Variants in NVL observed in about 807,000 individuals in gnomAD.
NVL encodes the protein nuclear valosin-containing protein-like.
Under a neutral mutation model 110.2 loss-of-function variants are expected in NVL, and 84 were observed. The observed-to-expected ratio is 0.76, with a 90% confidence interval of 0.64 to 0.91. The LOEUF is 0.91. Among genes scored for constraint, NVL ranks in the 40% least tolerant of loss-of-function variants. The pLI is 0.00. For synonymous variants in NVL, 354 were observed against 361.1 expected, an observed-to-expected ratio of 0.98 and a Z score of 0.22; for missense variants, 882 against 1,035.9, an observed-to-expected ratio of 0.85 and a Z score of 2.04.
intron 18 of NVL, among the ~76,000 whole-genome samples, chr1:224,260,204 G>A (rs1370893574): frequency 2.0e-5 from 3 of 152,130 alleles, no homozygotes. Flanking sequence ...GAACTTCAGT[G>A]GTAAATATCT....
At chr1:224,297,169 TATATAGTTTAGTGGCATTAA>T (rs944041015) in intron 10 of NVL, among the ~76,000 whole-genome samples, 3 of 152,164 alleles carry the variant, frequency 2.0e-5, no homozygotes, top group African/African-American at 7.2e-5. Context: ...CCACTTTGGG[TATATAGTTTAGTGGCATTAA>T]ATATTTTCAG....
chr1:224,319,120 A>T lies in NVL; in HGVS notation c.132-1190T>A, dbSNP rs191736801. 3.7e-3 allele frequency among the ~76,000 whole-genome samples: 461 copies of T among 123,178 alleles called. 1 individual carries two copies. The highest frequency in any genetic ancestry group is 5.6e-3 in the Non-Finnish European group (350 of 62,374). 80.8% of individuals were successfully genotyped at this position (123,178 alleles called of 152,430 possible). Reference sequence around the variant, plus strand: ...CAGTGAGCCGAGATCACACCACTGCACTCCAGCCTGGGGACAGAGCAAGAC... The same window carrying T: ...CAGTGAGCCGAGATCACACCACTGCTCTCCAGCCTGGGGACAGAGCAAGAC... On this transcript the variant is annotated intron_variant, in intron 2 of 22. Coordinates refer to ENST00000281701, the MANE Select transcript of NVL (RefSeq NM_002533.4).
intron 5 of NVL, among the ~76,000 whole-genome samples, chr1:224,310,704 C>CT (rs977627040): frequency 6.6e-6 from 1 of 151,712 alleles, no homozygotes; most frequent in Non-Finnish European, 1.5e-5. Context: ...AGCCCTAACC[C>CT]TTTTTTTTCT....
At position 224,317,853 on chromosome 1, in the gene NVL, ATTTAGCTCT is replaced by A. The variant is rs1325434737; in HGVS notation, c.184+16_184+24del. On this transcript the variant is annotated intron_variant, in intron 3 of 22. Coordinates refer to ENST00000281701, the MANE Select transcript of NVL (RefSeq NM_002533.4). ...AATCGTTTGTATAACTTTATTGATA[ATTTAGCTCT>A]AACAATAAGACTCACCTTTTTCTAC... The A allele has an allele frequency of 1.0e-5, 15 of 1,462,126 alleles. No homozygotes were observed. Among genetic ancestry groups the A allele is most frequent in the Non-Finnish European group, 1.4e-5 (15 of 1,096,584 alleles). The allele number at this position is 1,462,126 out of a possible 1,614,324, so 90.6% of individuals were successfully genotyped here. A position where few individuals can be genotyped will look rare whatever the true frequency, so the allele number is the denominator to read the frequency against.
chr1:224,230,717 T>C (rs529763701), intron 22 of NVL, among the ~76,000 whole-genome samples: 1 of 152,268 alleles, frequency 6.6e-6, no homozygotes, highest in Admixed American at 6.5e-5. Flanking sequence ...CTAAGAAACA[T>C]ATAAAATTAA....
At chr1:224,311,678 C>T in intron 5 of NVL, 122 bp downstream of exon 5, 1 of 750,638 alleles carries the variant, frequency 1.3e-6, no homozygotes, top group South Asian at 1.7e-5. Context: ...CCTCAGCCTC[C>T]CAAAGTGTTG....
intron 4 of NVL, among the ~76,000 whole-genome samples, chr1:224,313,555 G>A (rs114060118): frequency 1.2e-4 from 19 of 152,144 alleles, no homozygotes; most frequent in African/African-American, 4.6e-4. Flanking sequence ...TGCATATAAA[G>A]AGGTATTATT....
intron 2 of NVL, among the ~76,000 whole-genome samples, chr1:224,322,106 G>T (rs1168333571): frequency 1.3e-5 from 2 of 152,072 alleles, no homozygotes; most frequent in African/African-American, 2.4e-5. Context: ...TAAGAGACAG[G>T]GTCTTGCTCT....
chr1:224,294,189 T>C (rs1667648245), intron 12 of NVL, 78 bp downstream of exon 12: 7 of 1,434,944 alleles, frequency 4.9e-6, no homozygotes, highest in Non-Finnish European at 6.8e-6. Flanking sequence ...GGCTACTTGG[T>C]ATTTCTCACC....
rs1007241137 is a variant in NVL at position 224,253,849 on chromosome 1, C to CA, written c.2183-3532dup. On this transcript the variant is annotated intron_variant, in intron 18 of 22. Transcript: ENST00000281701. ...AGTTCCAGTTCCTCCATATCCTTGC[C>CA]AACATTTGGCACAGCCAGTCTTTTC... 2.2e-4 allele frequency among the ~76,000 whole-genome samples: 33 copies of CA among 152,182 alleles called. 1 individual carries two copies. Among genetic ancestry groups the CA allele is most frequent in the Non-Finnish European group, 4.1e-4 (28 of 68,008 alleles).
chr1:224,323,423 G>A lies in NVL; in HGVS notation c.131+2968C>T, dbSNP rs185208424. On this transcript the variant is annotated intron_variant, in intron 2 of 22. Coordinates refer to ENST00000281701, the MANE Select transcript of NVL (RefSeq NM_002533.4). ...AATCTAAAGAGAACATCAAGGGTGT[G>A]GGGGGACAACAATTTGCTAAAGCGA... 8.1e-4 allele frequency among the ~76,000 whole-genome samples: 123 copies of A among 152,254 alleles called. 1 individual carries two copies. In the East Asian group the frequency reaches 0.02, roughly 25 times the overall value.
At chr1:224,310,055 G>A (rs894565288) in intron 5 of NVL, among the ~76,000 whole-genome samples, 1 of 151,740 alleles carries the variant, frequency 6.6e-6, no homozygotes, top group South Asian at 2.1e-4. Flanking sequence ...GGAAGCTGAG[G>A]CAGGAGAATC....
chr1:224,232,942 CATG>C, intron 21 of NVL: 2 of 338,798 alleles, frequency 5.9e-6, no homozygotes, highest in Non-Finnish European at 1.1e-5. Context: ...AGCCCAGACT[CATG>C]ATGAAGACAG....
chr1:224,233,018 CTAT>C (rs1660067017), intron 21 of NVL, 180 bp downstream of exon 21: 2 of 516,696 alleles, frequency 3.9e-6, no homozygotes, highest in Non-Finnish European at 6.8e-6. Flanking sequence ...AATAACTTTG[CTAT>C]TATTATAATT....
rs372659313 is a variant in NVL, at chr1:224,314,036, G to T, written c.285-2179C>A. Among the ~76,000 whole-genome samples the T allele has an allele frequency of 1.2e-4, 19 of 152,256 alleles. 1 individual carries two copies. In the South Asian group the frequency reaches 2.1e-3, roughly 17 times the overall value. On this transcript the variant is annotated intron_variant, in intron 4 of 22. Coordinates refer to ENST00000281701, the MANE Select transcript of NVL (RefSeq NM_002533.4). ...AAAAAATATATATGATCAATATTTT[G>T]CCTATAAAAACAGCAAAGATTAAAT...
chr1:224,298,283 TC>T, intron 10 of NVL: 1 of 285,826 alleles, frequency 3.5e-6, no homozygotes, highest in East Asian at 1.2e-4. Context: ...AAAAGGAATG[TC>T]CCACAAGTGT....
chr1:224,298,036 CAAAAAAA>C (rs1275028638), intron 10 of NVL, among the ~76,000 whole-genome samples: 4 of 67,240 alleles, frequency 5.9e-5, no homozygotes, highest in Admixed American at 3.6e-4. Context: ...TACTCCATCT[CAAAAAAA>C]AAAAAAAAAA....
chr1:224,320,312 G>A (rs1670515240), intron 2 of NVL, among the ~76,000 whole-genome samples: 1 of 152,186 alleles, frequency 6.6e-6, no homozygotes, highest in African/African-American at 2.4e-5. Context: ...TCTAGGTAGA[G>A]TATATGGGTG....
In NVL at chr1:224,250,327, G is replaced by T; in HGVS notation, c.2183-9C>A. 6.5e-7 allele frequency: 1 copy of T among 1,539,688 alleles called. No homozygotes were observed. The highest frequency in any genetic ancestry group is 8.7e-7 in the Non-Finnish European group (1 of 1,149,728). Reference sequence around the variant, plus strand: ...TGCAGGGTCAATTATATCTAGAGAAGAAGGGAGAAAAAAAGTCTTAAATAA... The same window carrying T: ...TGCAGGGTCAATTATATCTAGAGAATAAGGGAGAAAAAAAGTCTTAAATAA... On this transcript the variant is annotated splice_polypyrimidine_tract_variant and intron_variant, in intron 18 of 22. Transcript: ENST00000281701.
Sources: allele counts gnomAD v4.1 joint callset (sites outside exome capture counted in the v4.1 genomes callset), GRCh38; gene constraint gnomAD v4.1.1; transcripts MANE v1.5; gene names NCBI Gene and HGNC (gene_info 2026-07-23, HGNC 2026-07-21).